The following PRKDC variants were observed in gnomAD, a reference collection of about 807,000 sequenced individuals.
PRKDC encodes protein kinase, DNA-activated, catalytic subunit.
In PRKDC, 82 loss-of-function variants were observed where a neutral mutation model predicts 486.9. The ratio of observed to expected loss-of-function variants is 0.17; its 90% CI spans 0.14 to 0.20. PRKDC has a LOEUF of 0.20. Ranked by LOEUF, PRKDC falls within the 10% of genes least tolerant of loss-of-function variation. The pLI, the probability that PRKDC is intolerant of heterozygous loss-of-function variation, is 1.00. For synonymous variants in PRKDC, 1,895 were observed against 1,837.0 expected, an observed-to-expected ratio of 1.03 and a Z score of -0.81; for missense variants, 4,504 against 5,038.2, an observed-to-expected ratio of 0.89 and a Z score of 3.21.
At position 47,834,244 on chromosome 8, in the gene PRKDC, T is replaced by C. The variant is rs8178178; in HGVS notation, c.8104A>G (p.Lys2702Glu). 3.7e-5 allele frequency: 60 copies of C among 1,613,928 alleles called. No individual in the cohort carries two copies. The highest frequency in any genetic ancestry group is 3.5e-4 in the South Asian group (32 of 91,092). ...TCCCCTGGAAGGCCCAGCCTTTTTT[T>C]CCCAAAATCAGGCCCCACTGACTTC... ...PLKSVGPDFG[K>E]KRLGLPGDEV... The change falls in exon 59 of 86, where the codon AAA becomes GAA. Residue 2702 changes from lysine to glutamate, a missense_variant. This residue lies in a region of PRKDC where 1,592 missense variants were observed against 1,724.6 expected (regional missense o/e 0.92). Coordinates refer to ENST00000314191, the MANE Select transcript of PRKDC (RefSeq NM_006904.7).
chr8:47,884,210 C>T (rs2089281963), intron 36 of PRKDC, among the ~76,000 whole-genome samples: 1 of 152,236 alleles, frequency 6.6e-6, no homozygotes, highest in African/African-American at 2.4e-5. Flanking sequence ...GCCTTCTCCT[C>T]AAGTGGGGAG....
chr8:47,784,543 C>CT (rs1161720231), intron 77 of PRKDC, among the ~76,000 whole-genome samples: 1 of 152,148 alleles, frequency 6.6e-6, no homozygotes, highest in Non-Finnish European at 1.5e-5. Flanking sequence ...CAGATTAAAA[C>CT]TTTTTTTCCT....
At position 47,782,350 on chromosome 8, in the gene PRKDC, T is replaced by C. The variant is rs1190177164; in HGVS notation, c.11396+28A>G. 1.2e-6 allele frequency: 2 copies of C among 1,608,854 alleles called. No homozygotes were observed. The stretch of plus-strand genomic sequence containing the variant: ...GGACGCCAAGCAATATGCAGCAGCC[T>C]ACTGGCTGGGAGCAGCCTGGCAGTT... On this transcript the variant is annotated intron_variant, in intron 79 of 85. Transcript: ENST00000314191. This position sits in a 1 kb window ranked among gnomAD's most constrained non-coding sequence, Gnocchi z 4.9.
intron 70 of PRKDC, among the ~76,000 whole-genome samples, chr8:47,801,211 A>G (rs2087101821): frequency 1.3e-5 from 2 of 152,114 alleles, no homozygotes; most frequent in South Asian, 4.1e-4. Context: ...AGCTGGGACT[A>G]CAGGCTTGCA....
At position 47,820,870 on chromosome 8, in the gene PRKDC, A is replaced by G. The variant is rs587777685; in HGVS notation, c.9185T>C (p.Leu3062Pro). ...GTGCATAGCTTTGTCAATAAATGTCAGCAGGGACTGGTCAGCCTCTCCCTG... is the reference window on the plus strand; with the variant it reads ...GTGCATAGCTTTGTCAATAAATGTCGGCAGGGACTGGTCAGCCTCTCCCTG... ...LLQGEADQSLLTFIDKAMHGE... is the reference protein window; with the variant it reads ...LLQGEADQSLPTFIDKAMHGE... The change falls in exon 66 of 86, where the codon CTG becomes CCG. Residue 3062 changes from leucine (L) to proline (P), a missense_variant. Transcript: ENST00000314191. 2 of 1,611,336 alleles carry G rather than the reference A, an allele frequency of 1.2e-6. No individual in the cohort carries two copies. The highest frequency in any genetic ancestry group is 2.2e-5 in the East Asian group (1 of 44,858).
At position 47,941,964 on chromosome 8, in the gene PRKDC, C is replaced by A. The variant is rs8178014; in HGVS notation, c.966+1245G>T. 2.0e-3 allele frequency among the ~76,000 whole-genome samples: 298 copies of A among 152,334 alleles called. 1 individual carries two copies. The highest frequency in any genetic ancestry group is 3.5e-3 in the Non-Finnish European group (241 of 68,026). ...TGCGTGGCTCATTAAAGACAACCAG[C>A]GCAGTGGAGGGAGGGCTGGCCGGCT... On this transcript the variant is annotated intron_variant, in intron 10 of 85. Transcript: ENST00000314191.
At chr8:47,918,674 G>A (rs1449427247) in intron 21 of PRKDC, among the ~76,000 whole-genome samples, 1 of 152,120 alleles carries the variant, frequency 6.6e-6, no homozygotes, top group Non-Finnish European at 1.5e-5. Flanking sequence ...CCAAATCTGG[G>A]ACAATGTGGG....
chr8:47,957,562 G>C, intron 1 of PRKDC, 131 bp from the exon 2 acceptor site: 2 of 718,294 alleles, frequency 2.8e-6, no homozygotes, highest in Non-Finnish European at 4.5e-6. Flanking sequence ...CCAGGCTGGA[G>C]TGCAGCGGCG....
At chr8:47,824,311 A>G (rs958281296) in intron 63 of PRKDC, among the ~76,000 whole-genome samples, 4 of 151,980 alleles carry the variant, frequency 2.6e-5, no homozygotes, top group Admixed American at 2.6e-4. Flanking sequence ...CGTCTCTACT[A>G]AAAATACAAA....
chr8:47,843,584 A>G (rs2088199912), intron 54 of PRKDC, among the ~76,000 whole-genome samples: 1 of 152,216 alleles, frequency 6.6e-6, no homozygotes, highest in South Asian at 2.1e-4. Context: ...CATCCCCAAG[A>G]CACATAGTTA....
rs1251759462 is a variant in PRKDC at position 47,782,487 on chromosome 8, G to A, written c.11287C>T (p.Arg3763Cys). The A allele has an allele frequency of 5.7e-6, 9 of 1,580,690 alleles. No individual in the cohort carries two copies. The highest frequency in any genetic ancestry group is 2.7e-5 in the African/African-American group (2 of 74,264). ...ATGACCTGGAAGAGCTGCTCCACGC[G>A]CTGGTCCTGCCGCAGGTCCTCGCCA... ...KGGEDLRQDQ[R>C]VEQLFQVMNG... The change falls in exon 79 of 86, where the codon CGC (arginine) becomes TGC (cysteine). Residue 3763 changes from arginine (R) to cysteine (C), a missense_variant. By Grantham distance (180) the Arg-to-Cys change is radical (BLOSUM62 -3). Coordinates refer to ENST00000314191, the MANE Select transcript of PRKDC (RefSeq NM_006904.7). This position sits in a 1 kb window ranked among gnomAD's most constrained non-coding sequence, Gnocchi z 4.9.
In PRKDC at chr8:47,820,836, G is replaced by C. The variant is rs1238591187; in HGVS notation, c.9219C>G (p.Leu3073=). Residue 3073 remains leucine, a synonymous_variant, in exon 66 of 86, where the codon CTC becomes CTG. Coordinates refer to ENST00000314191, the MANE Select transcript of PRKDC (RefSeq NM_006904.7). The part of the protein sequence containing the change: ...TFIDKAMHGE[L]QKAILELHYS... Reference sequence around the variant, plus strand: ...AATGAAGCTCTAGAATCGCCTTCTGGAGCTCCCCGTGCATAGCTTTGTCAA... The same window carrying C: ...AATGAAGCTCTAGAATCGCCTTCTGCAGCTCCCCGTGCATAGCTTTGTCAA... The C allele has an allele frequency of 6.2e-7, 1 of 1,613,220 alleles. No homozygotes were observed. Among genetic ancestry groups the C allele is most frequent in the African/African-American group, 1.3e-5 (1 of 74,850 alleles).
intron 34 of PRKDC, 134 bp downstream of exon 34, chr8:47,888,384 C>G: frequency 5.8e-6 from 4 of 694,234 alleles, no homozygotes; most frequent in Non-Finnish European, 8.6e-6. Context: ...ATCTACATGT[C>G]TTGAGCAAGT....
Position 47,800,900 on chromosome 8 carries a change from T to C in PRKDC, c.10009A>G (p.Ile3337Val). ...GGCTCACTGCTGAGAGCATTCGCTA[T>C]GATCCTGTAAGTTGTACCCAAGAGA... ...NILLGTTYRI[I>V]ANALSSEPAC... is the part of the protein sequence containing the mutation. The change falls in exon 71 of 86, where the codon ATA (isoleucine) becomes GTA (valine). Residue 3337 changes from isoleucine (I) to valine (V), a missense_variant. Coordinates refer to ENST00000314191, the MANE Select transcript of PRKDC (RefSeq NM_006904.7). The C allele has an allele frequency of 2.5e-6, 4 of 1,613,994 alleles. No homozygotes were observed. The highest frequency in any genetic ancestry group is 2.5e-6 in the Non-Finnish European group (3 of 1,179,884).
intron 61 of PRKDC, 108 bp downstream of exon 61, chr8:47,830,497 T>G: frequency 1.4e-6 from 2 of 1,440,026 alleles, no homozygotes. Flanking sequence ...AACCAACACC[T>G]CATCTATGTT....
At chr8:47,804,714 G>A (rs934519334) in intron 69 of PRKDC, among the ~76,000 whole-genome samples, 2 of 152,078 alleles carry the variant, frequency 1.3e-5, no homozygotes, top group African/African-American at 4.8e-5. Context: ...TTTCTCATGG[G>A]TCTGGGAGTG....
In PRKDC at chr8:47,774,382, A is replaced by G. The variant is rs762534386; in HGVS notation, c.12183-5T>C. The G allele has an allele frequency of 1.3e-5, 21 of 1,608,352 alleles. No homozygotes were observed. The highest frequency in any genetic ancestry group is 1.9e-4 in the Middle Eastern group (1 of 5,134). ...TGACCCAGGAGTAGCTCATCACTGGAAAAAAAACAAACACAGAAAACACAA... is the reference window on the plus strand; with the variant it reads ...TGACCCAGGAGTAGCTCATCACTGGGAAAAAAACAAACACAGAAAACACAA... On this transcript the variant is annotated splice_polypyrimidine_tract_variant and splice_region_variant and intron_variant, in intron 85 of 85. Coordinates refer to ENST00000314191, the MANE Select transcript of PRKDC (RefSeq NM_006904.7).
intron 85 of PRKDC, 142 bp from the exon 86 acceptor site, chr8:47,774,519 G>T: frequency 1.2e-6 from 1 of 805,942 alleles, no homozygotes; most frequent in Non-Finnish European, 1.9e-6. Flanking sequence ...TGAAGTCAAA[G>T]ACTGGATTTG....
chr8:47,804,546 C>T (rs1006240370), intron 69 of PRKDC, among the ~76,000 whole-genome samples: 7 of 152,054 alleles, frequency 4.6e-5, no homozygotes, highest in Non-Finnish European at 1.0e-4. Flanking sequence ...GTGATCCACC[C>T]GCCTTGGCCT....
Sources: gnomAD v4.1 joint callset for allele counts (sites outside exome capture counted in the v4.1 genomes callset) on GRCh38, gnomAD v4.1.1 for gene constraint, gnomAD v4.1.1 regional missense constraint, Gnocchi (gnomAD v3.1) non-coding constraint, MANE v1.5 for transcripts, NCBI Gene and HGNC (gene_info 2026-07-23, HGNC 2026-07-21) for gene names.